Variants in MECOM observed in about 807,000 individuals in gnomAD.
The protein encoded by MECOM is histone-lysine N-methyltransferase MECOM.
A neutral mutation model predicts 116.3 loss-of-function variants in MECOM; 13 were observed. That is an observed-to-expected ratio of 0.11 (90% CI 0.07 to 0.18). The LOEUF (loss-of-function observed/expected upper bound fraction) is 0.18. Ranked by LOEUF, MECOM falls within the 10% of genes least tolerant of loss-of-function variation. MECOM has a pLI of 1.00. For missense variants in MECOM, 1,299 were observed against 1,509.0 expected (o/e 0.86, Z 2.31); for synonymous variants, 528 against 535.2 (o/e 0.99, Z 0.19).
At chr3:169,356,688 A>G (rs975946813) in intron 2 of MECOM, among the ~76,000 whole-genome samples, 1 of 151,932 alleles carries the variant, frequency 6.6e-6, no homozygotes, top group Admixed American at 6.6e-5. Context: ...AAAATGTAAA[A>G]TCTGCAAGCA....
intron 1 of MECOM, among the ~76,000 whole-genome samples, chr3:169,588,354 A>T (rs779168005): frequency 6.6e-6 from 1 of 151,946 alleles, no homozygotes; most frequent in Non-Finnish European, 1.5e-5. Flanking sequence ...TTTGTGGGTG[A>T]CTTTTATTTT....
Position 169,116,468 on chromosome 3 carries a change from G to A in MECOM, c.1404C>T (p.Asp468=). 1.9e-6 allele frequency: 3 copies of A among 1,614,188 alleles called. No individual in the cohort carries two copies. Among genetic ancestry groups the A allele is most frequent in the Non-Finnish European group, 2.5e-6 (3 of 1,180,038 alleles). Residue 468 remains aspartate (D), a synonymous_variant, in exon 8 of 17, where the codon GAC becomes GAT. Coordinates refer to ENST00000651503, the MANE Select transcript of MECOM (RefSeq NM_004991.4). The part of the protein sequence containing the change: ...NMSHANPGLA[D]YFGANRHPAG... ...CAGGATGCCTATTGGCGCCAAAATA[G>A]TCAGCAAGGCCCGGGTTGGCATGAC...
At chr3:169,563,555 A>G (rs1762899552) in intron 1 of MECOM, among the ~76,000 whole-genome samples, 1 of 152,102 alleles carries the variant, frequency 6.6e-6, no homozygotes, top group Non-Finnish European at 1.5e-5. Context: ...CTGGAGGTAA[A>G]TTTGGAAAGT....
chr3:169,456,725 C>T (rs1746567478), intron 1 of MECOM, among the ~76,000 whole-genome samples: 1 of 152,126 alleles, frequency 6.6e-6, no homozygotes, highest in Admixed American at 6.5e-5. Context: ...ATCATCCCCT[C>T]CGTAAAGGTG....
At position 169,273,029 on chromosome 3, in the gene MECOM, AAC is replaced by A. The variant is rs1208739744; in HGVS notation, c.375+108156_375+108157del. ...CTGCTTGAAGCATCTACCTCCTCCAAACACAGAAATATGAAAAACAGGTAGTC... is the reference window on the plus strand; with the variant it reads ...CTGCTTGAAGCATCTACCTCCTCCAAACAGAAATATGAAAAACAGGTAGTC... On this transcript the variant is annotated intron_variant, in intron 2 of 16. Transcript: ENST00000651503. 2.6e-5 allele frequency among the ~76,000 whole-genome samples: 4 copies of A among 152,244 alleles called. No individual in the cohort carries two copies. The East Asian group carries it at 5.8e-4, about 22-fold the overall frequency.
At chr3:169,651,374 G>A (rs550396852) in intron 1 of MECOM, among the ~76,000 whole-genome samples, 1 of 152,288 alleles carries the variant, frequency 6.6e-6, no homozygotes, top group Non-Finnish European at 1.5e-5. Context: ...CTTGATCATG[G>A]TGGATTATCT....
At chr3:169,443,114 C>A (rs73172096) in intron 1 of MECOM, among the ~76,000 whole-genome samples, 26,540 of 152,018 alleles carry the variant, frequency 0.17, 2,894 homozygotes, top group Non-Finnish European at 0.24. Flanking sequence ...AAGTATCTAC[C>A]AGAACTGGGA....
At chr3:169,185,631 A>G (rs1265530129) in intron 2 of MECOM, among the ~76,000 whole-genome samples, 2 of 152,192 alleles carry the variant, frequency 1.3e-5, no homozygotes, top group Non-Finnish European at 1.5e-5. Context: ...CTTCTTTTCT[A>G]CGGTTCACAA....
intron 1 of MECOM, among the ~76,000 whole-genome samples, chr3:169,464,473 T>C (rs1295274911): frequency 2.6e-5 from 2 of 77,532 alleles, no homozygotes; most frequent in Non-Finnish European, 5.7e-5. Context: ...TCACACCCTC[T>C]AGTTTTCGAA....
intron 1 of MECOM, among the ~76,000 whole-genome samples, chr3:169,496,338 T>C (rs1032201291): frequency 1.3e-5 from 2 of 152,232 alleles, no homozygotes; most frequent in Non-Finnish European, 2.9e-5. Context: ...GAAATTATTA[T>C]CCCTTAGCTA....
At chr3:169,090,598 G>A (rs1484365503) in intron 14 of MECOM, among the ~76,000 whole-genome samples, 1 of 151,836 alleles carries the variant, frequency 6.6e-6, no homozygotes, top group African/African-American at 2.4e-5. Context: ...TGCCATGTAA[G>A]TACCCACCAT....
chr3:169,651,851 T>C (rs1774956803), intron 1 of MECOM, among the ~76,000 whole-genome samples: 1 of 152,146 alleles, frequency 6.6e-6, no homozygotes, highest in South Asian at 2.1e-4. Flanking sequence ...TGCTAATATA[T>C]GCATGGGGGA....
chr3:169,302,386 T>C (rs1716900870), intron 2 of MECOM, among the ~76,000 whole-genome samples: 1 of 152,206 alleles, frequency 6.6e-6, no homozygotes, highest in Admixed American at 6.5e-5. Flanking sequence ...TTGTTTCCCA[T>C]GGCCCAGTCT....
intron 2 of MECOM, among the ~76,000 whole-genome samples, chr3:169,196,052 C>CT (rs1748375269): frequency 6.6e-6 from 1 of 151,990 alleles, no homozygotes; most frequent in South Asian, 2.1e-4. Flanking sequence ...TGGAAGAGAG[C>CT]TTTTTATGTT....
intron 2 of MECOM, among the ~76,000 whole-genome samples, chr3:169,317,320 G>A (rs1022192835): frequency 2.0e-5 from 3 of 152,070 alleles, no homozygotes; most frequent in Admixed American, 6.6e-5. Flanking sequence ...TAAAAATGTG[G>A]CTGGAGGTTT....
At chr3:169,302,594 G>A (rs1716933563) in intron 2 of MECOM, among the ~76,000 whole-genome samples, 1 of 152,162 alleles carries the variant, frequency 6.6e-6, no homozygotes, top group Non-Finnish European at 1.5e-5. Flanking sequence ...GCCAGGTGTG[G>A]TGGATCATGC....
intron 9 of MECOM, among the ~76,000 whole-genome samples, chr3:169,110,249 C>A (rs909609294): frequency 6.6e-6 from 1 of 152,128 alleles, no homozygotes; most frequent in Non-Finnish European, 1.5e-5. Context: ...TCTTTTCAAG[C>A]ACTCCTAGAT....
intron 9 of MECOM, among the ~76,000 whole-genome samples, chr3:169,108,402 G>A (rs925241954): frequency 6.6e-6 from 1 of 152,098 alleles, no homozygotes; most frequent in African/African-American, 2.4e-5. Flanking sequence ...GATAATGAAA[G>A]GATAATGTAC....
At chr3:169,207,962 T>A (rs1352799492) in intron 2 of MECOM, among the ~76,000 whole-genome samples, 2 of 152,186 alleles carry the variant, frequency 1.3e-5, no homozygotes, top group African/African-American at 4.8e-5. Context: ...CTTGAGCCTG[T>A]ATAACAAGTC....
Sources: allele counts gnomAD v4.1 joint callset (sites outside exome capture counted in the v4.1 genomes callset), GRCh38; gene constraint gnomAD v4.1.1; transcripts MANE v1.5; gene names NCBI Gene and HGNC (gene_info 2026-07-23, HGNC 2026-07-21).